The following ARHGAP20 variants were observed in gnomAD, a reference collection of about 807,000 sequenced individuals.
ARHGAP20 encodes the protein Rho GTPase activating protein 20, also known as rho GTPase-activating protein 20.
In ARHGAP20, 34 loss-of-function variants were observed where a neutral mutation model predicts 73.7. The ratio of observed to expected loss-of-function variants is 0.46; its 90% CI spans 0.35 to 0.61. The LOEUF is 0.61. Among genes scored for constraint, ARHGAP20 ranks in the 20% least tolerant of loss-of-function variants. The probability of loss-of-function intolerance (pLI) is 0.00; values close to 1 mark genes in which losing one functional copy is unlikely to be tolerated. For missense variants in ARHGAP20, 1,314 were observed against 1,420.9 expected, an observed-to-expected ratio of 0.92 and a Z score of 1.21; for synonymous variants, 523 against 518.2, an observed-to-expected ratio of 1.01 and a Z score of -0.13.
At position 110,578,384 on chromosome 11, in the gene ARHGAP20, A is replaced by ATGTT. The variant is rs1947343239; in HGVS notation, c.*982_*985dup. 1.0e-6 allele frequency: 1 copy of ATGTT among 985,348 alleles called. No individual in the cohort carries two copies. Among genetic ancestry groups the ATGTT allele is most frequent in the Non-Finnish European group, 1.2e-6 (1 of 829,946 alleles). The allele number at this position is 985,348 out of a possible 1,614,324, so 61.0% of individuals were successfully genotyped here. ...ATCAGAAAAGGGATGATTTATAAGT[A>ATGTT]TGTTTTTCTGGCTGACTGTAATCTA... On this transcript the variant is annotated 3_prime_UTR_variant, in exon 15 of 15. Transcript: ENST00000683387.
intron 2 of ARHGAP20, among the ~76,000 whole-genome samples, chr11:110,656,417 C>G (rs1949467633): frequency 6.6e-6 from 1 of 152,122 alleles, no homozygotes; most frequent in African/African-American, 2.4e-5. Flanking sequence ...TGGTAGCAGA[C>G]CTCCGCTTTG....
At chr11:110,698,064 G>A (rs1407805696) in intron 1 of ARHGAP20, among the ~76,000 whole-genome samples, 1 of 151,544 alleles carries the variant, frequency 6.6e-6, no homozygotes, top group Admixed American at 6.6e-5. Context: ...AGCATGGGAT[G>A]TTTTTCCATT....
At chr11:110,677,628 G>C (rs1000549500) in intron 2 of ARHGAP20, among the ~76,000 whole-genome samples, 1 of 152,010 alleles carries the variant, frequency 6.6e-6, no homozygotes, top group East Asian at 1.9e-4. Context: ...CTGAGTGACA[G>C]AGCAAGACTC....
chr11:110,588,405 A>G (rs747776723), intron 11 of ARHGAP20, among the ~76,000 whole-genome samples: 1 of 152,372 alleles, frequency 6.6e-6, no homozygotes, highest in Non-Finnish European at 1.5e-5. Flanking sequence ...GAGTTAAGCT[A>G]TAACTTAAAC....
intron 2 of ARHGAP20, among the ~76,000 whole-genome samples, chr11:110,632,909 A>G (rs556219648): frequency 9.3e-4 from 142 of 151,978 alleles, no homozygotes; most frequent in African/African-American, 3.2e-3. Context: ...TGTGTTTTGG[A>G]AAATATTTTC....
chr11:110,580,055 G>C lies in ARHGAP20; in HGVS notation c.2891C>G (p.Ser964Cys), dbSNP rs769532870. 2.5e-6 allele frequency: 4 copies of C among 1,614,208 alleles called. No individual in the cohort carries two copies. Among genetic ancestry groups the C allele is most frequent in the Non-Finnish European group, 8.5e-7 (1 of 1,180,022 alleles). The change falls in exon 15 of 15, where the codon TCT (serine) becomes TGT (cysteine). Residue 964 changes from serine (S) to cysteine (C), a missense_variant. By Grantham distance (112) the Ser-to-Cys change is moderately radical. Around this residue, in one of 3 missense-constraint regions of ARHGAP20, gnomAD observed 641 missense variants for 636.9 expected, o/e 1.01. Coordinates refer to ENST00000683387, the MANE Select transcript of ARHGAP20 (RefSeq NM_001384657.1). ...GGAAGTCTCAGTGGGTGTAAACACAGAGTGTTCAGAAATCTGAGAAAAAGC... is the reference window on the plus strand; with the variant it reads ...GGAAGTCTCAGTGGGTGTAAACACACAGTGTTCAGAAATCTGAGAAAAAGC... ...DSAFSQISEH[S>C]VFTPTETSSP...
chr11:110,645,388 A>C (rs1949169030), intron 2 of ARHGAP20, among the ~76,000 whole-genome samples: 1 of 152,182 alleles, frequency 6.6e-6, no homozygotes, highest in Non-Finnish European at 1.5e-5. Context: ...ACTACTTGTC[A>C]GAGACATGCA....
intron 2 of ARHGAP20, among the ~76,000 whole-genome samples, chr11:110,643,752 T>C (rs1321725588): frequency 2.0e-5 from 3 of 152,052 alleles, no homozygotes; most frequent in African/African-American, 7.2e-5. Flanking sequence ...GGTAGAGTAT[T>C]CTGTGGGTGT....
chr11:110,666,951 A>G (rs1339836758), intron 2 of ARHGAP20, among the ~76,000 whole-genome samples: 2 of 152,216 alleles, frequency 1.3e-5, no homozygotes, highest in Non-Finnish European at 2.9e-5. Flanking sequence ...AATCTCTTCA[A>G]TTCTATGAAG....
At chr11:110,712,073 C>G (rs1950674232) in intron 1 of ARHGAP20, 54 bp downstream of exon 1, 6 of 1,252,760 alleles carry the variant, frequency 4.8e-6, no homozygotes, top group Non-Finnish European at 5.0e-6. Context: ...GGGCGCGCGC[C>G]GGCAGTGGGG....
intron 8 of ARHGAP20, among the ~76,000 whole-genome samples, chr11:110,608,320 T>G (rs925450279): frequency 2.0e-5 from 3 of 152,158 alleles, no homozygotes; most frequent in African/African-American, 7.2e-5. Flanking sequence ...CCACACTGAA[T>G]GAAATTACTA....
chr11:110,693,607 T>C (rs1446439707), intron 1 of ARHGAP20, among the ~76,000 whole-genome samples: 1 of 151,936 alleles, frequency 6.6e-6, no homozygotes, highest in Non-Finnish European at 1.5e-5. Flanking sequence ...AATACACTTA[T>C]CTCTTTCTTT....
At chr11:110,705,332 G>C (rs1428736461) in intron 1 of ARHGAP20, among the ~76,000 whole-genome samples, 1 of 151,950 alleles carries the variant, frequency 6.6e-6, no homozygotes, top group South Asian at 2.1e-4. Flanking sequence ...CCGCCCTTTC[G>C]CCAAATCATA....
At chr11:110,626,929 T>C (rs2134943704) in intron 3 of ARHGAP20, among the ~76,000 whole-genome samples, 1 of 152,238 alleles carries the variant, frequency 6.6e-6, no homozygotes, top group African/African-American at 2.4e-5. Flanking sequence ...TTCAGATTTT[T>C]CCACTTTCAA....
intron 2 of ARHGAP20, among the ~76,000 whole-genome samples, chr11:110,673,957 G>GA (rs1399325910): frequency 7.8e-6 from 1 of 127,784 alleles, no homozygotes; most frequent in African/African-American, 3.0e-5. Flanking sequence ...TTTTTTTTTT[G>GA]AGACAGCATT....
At chr11:110,652,299 T>G (rs762822213) in intron 2 of ARHGAP20, among the ~76,000 whole-genome samples, 1 of 152,156 alleles carries the variant, frequency 6.6e-6, no homozygotes, top group African/African-American at 2.4e-5. Flanking sequence ...GGGCAAAAGC[T>G]GGAAGCATTC....
At chr11:110,597,860 T>G (rs1051977930) in intron 9 of ARHGAP20, among the ~76,000 whole-genome samples, 8 of 152,200 alleles carry the variant, frequency 5.3e-5, no homozygotes, top group Non-Finnish European at 1.0e-4. Flanking sequence ...TCATTAAAGT[T>G]TACTTTCTTA....
At chr11:110,614,755 C>T (rs1313770303) in intron 5 of ARHGAP20, 110 bp from the exon 6 acceptor site, 1 of 693,874 alleles carries the variant, frequency 1.4e-6, no homozygotes, top group African/African-American at 1.9e-5. Context: ...TACTTATATG[C>T]TATTTTTAAA....
At chr11:110,636,052 T>C (rs1948960408) in intron 2 of ARHGAP20, among the ~76,000 whole-genome samples, 1 of 152,086 alleles carries the variant, frequency 6.6e-6, no homozygotes, top group South Asian at 2.1e-4. Flanking sequence ...GGTTTAGGTA[T>C]CCAACAAATA....
Sources: allele counts gnomAD v4.1 joint callset (sites outside exome capture counted in the v4.1 genomes callset), GRCh38; gene constraint gnomAD v4.1.1; regional missense constraint gnomAD v4.1.1; transcripts MANE v1.5; gene names NCBI Gene and HGNC (gene_info 2026-07-23, HGNC 2026-07-21).